The following DIAPH3 variants were observed in gnomAD, a reference collection of about 807,000 sequenced individuals.
The protein encoded by DIAPH3 is protein diaphanous homolog 3.
Under a neutral mutation model 144.3 loss-of-function variants are expected in DIAPH3, and 117 were observed. The ratio of observed to expected loss-of-function variants is 0.81; its 90% CI spans 0.70 to 0.95. The LOEUF (loss-of-function observed/expected upper bound fraction) is 0.95, where lower values mean the gene tolerates loss of function less well. Among genes scored for constraint, DIAPH3 ranks in the 40% least tolerant of loss-of-function variants. The pLI is 0.00. For synonymous variants in DIAPH3, 519 were observed against 488.9 expected (o/e 1.06, Z -0.81); for missense variants, 1,421 against 1,412.7 (o/e 1.01, Z -0.09).
At chr13:59,916,046 T>C (rs2047201645) in intron 19 of DIAPH3, 109 bp downstream of exon 19, 1 of 920,322 alleles carries the variant, frequency 1.1e-6, no homozygotes, top group Non-Finnish European at 1.8e-6. Context: ...GCAGCAATGA[T>C]TTTCCAGTTG....
At chr13:59,867,598 C>A (rs565800473) in intron 21 of DIAPH3, among the ~76,000 whole-genome samples, 2 of 152,086 alleles carry the variant, frequency 1.3e-5, no homozygotes, top group Admixed American at 1.3e-4. Flanking sequence ...CATATCCCCA[C>A]ACACTTTCTC....
At chr13:59,739,724 A>C (rs1194214592) in intron 27 of DIAPH3, among the ~76,000 whole-genome samples, 2 of 152,142 alleles carry the variant, frequency 1.3e-5, no homozygotes, top group East Asian at 3.8e-4. Context: ...CCCAATGTAC[A>C]TCCTCTTTAT....
intron 24 of DIAPH3, among the ~76,000 whole-genome samples, chr13:59,811,387 A>C (rs1398479390): frequency 1.3e-5 from 2 of 152,188 alleles, no homozygotes; most frequent in Non-Finnish European, 2.9e-5. Context: ...GCTACTTTTT[A>C]TTACAATCAT....
chr13:59,980,700 G>C, intron 14 of DIAPH3, 95 bp downstream of exon 14: 2 of 1,132,862 alleles, frequency 1.8e-6, no homozygotes, highest in South Asian at 2.5e-5. Context: ...AGCAGATAAA[G>C]AAGAAAGAAC....
chr13:59,871,701 T>G (rs2044290650), intron 21 of DIAPH3, among the ~76,000 whole-genome samples: 1 of 152,244 alleles, frequency 6.6e-6, no homozygotes, highest in Non-Finnish European at 1.5e-5. Flanking sequence ...CCTTACATGT[T>G]TGATAGAATT....
intron 21 of DIAPH3, among the ~76,000 whole-genome samples, chr13:59,875,031 C>T (rs987909019): frequency 1.3e-5 from 2 of 152,092 alleles, no homozygotes; most frequent in African/African-American, 4.8e-5. Flanking sequence ...TGGGTCAATT[C>T]ACTCTTTACC....
intron 3 of DIAPH3, among the ~76,000 whole-genome samples, chr13:60,094,695 T>G (rs1380830773): frequency 6.6e-6 from 1 of 152,200 alleles, no homozygotes. Context: ...TTCTTACAGA[T>G]TTTATAAGGG....
chr13:59,948,273 T>A (rs1240054087), intron 17 of DIAPH3, among the ~76,000 whole-genome samples: 1 of 152,220 alleles, frequency 6.6e-6, no homozygotes, highest in African/African-American at 2.4e-5. Flanking sequence ...CCCAATTCCT[T>A]GGCTGTACAA....
At chr13:59,729,463 T>C (rs561915057) in intron 27 of DIAPH3, among the ~76,000 whole-genome samples, 2 of 151,926 alleles carry the variant, frequency 1.3e-5, no homozygotes, top group East Asian at 1.9e-4. Context: ...GGCAGTTGTG[T>C]GTGGGGTGAG....
intron 20 of DIAPH3, among the ~76,000 whole-genome samples, chr13:59,894,581 C>A (rs1422368229): frequency 9.8e-6 from 1 of 102,236 alleles, no homozygotes; most frequent in Non-Finnish European, 1.8e-5. Context: ...TGCCCCCCCA[C>A]CCCTCAAAAG....
intron 25 of DIAPH3, among the ~76,000 whole-genome samples, chr13:59,804,911 C>T (rs1383757117): frequency 6.6e-6 from 1 of 152,004 alleles, no homozygotes; most frequent in African/African-American, 2.4e-5. Context: ...AGAGACATTC[C>T]GAAGTAGAAT....
At chr13:59,871,890 T>C (rs2044302278) in intron 21 of DIAPH3, among the ~76,000 whole-genome samples, 2 of 152,222 alleles carry the variant, frequency 1.3e-5, no homozygotes, top group African/African-American at 2.4e-5. Flanking sequence ...GTGTTAATAA[T>C]ATTCTTCCGT....
intron 4 of DIAPH3, among the ~76,000 whole-genome samples, chr13:60,063,081 T>G (rs1416318191): frequency 2.0e-5 from 3 of 152,230 alleles, no homozygotes; most frequent in Non-Finnish European, 2.9e-5. Context: ...CTTTCAAACT[T>G]CTTTCAAAAT....
At chr13:59,940,402 T>C (rs553971076) in intron 17 of DIAPH3, among the ~76,000 whole-genome samples, 2 of 152,134 alleles carry the variant, frequency 1.3e-5, no homozygotes, top group African/African-American at 2.4e-5. Flanking sequence ...AAAGTAAAAG[T>C]TTTTGTTCAA....
chr13:60,133,686 A>G (rs1297723097), intron 1 of DIAPH3, among the ~76,000 whole-genome samples: 2 of 152,186 alleles, frequency 1.3e-5, no homozygotes. Context: ...CCTGCAAAAT[A>G]CAATTCAAAA....
chr13:59,923,659 T>C lies in DIAPH3; in HGVS notation c.2170+1116A>G, dbSNP rs149172335. 9.6e-4 allele frequency among the ~76,000 whole-genome samples: 146 copies of C among 152,238 alleles called. No homozygotes were observed. In the East Asian group the frequency reaches 0.021, roughly 22 times the overall value. On this transcript the variant is annotated intron_variant, in intron 18 of 27. Coordinates refer to ENST00000400324, the MANE Select transcript of DIAPH3 (RefSeq NM_001042517.2). ...AGTGACATTAACTCCACTCCCATCT[T>C]CACTGGTCCAAGCATGTCACTTGGT...
chr13:59,859,179 T>C (rs527520034), intron 22 of DIAPH3, among the ~76,000 whole-genome samples: 8 of 152,094 alleles, frequency 5.3e-5, no homozygotes, highest in Non-Finnish European at 1.0e-4. Flanking sequence ...ACCTATACTA[T>C]AAAAAGTACT....
chr13:60,098,851 C>G (rs961406324), intron 3 of DIAPH3, among the ~76,000 whole-genome samples: 1 of 151,998 alleles, frequency 6.6e-6, no homozygotes, highest in African/African-American at 2.4e-5. Context: ...CATTAAATAT[C>G]TATTATAGGT....
At chr13:60,102,490 A>G (rs917083921) in intron 3 of DIAPH3, among the ~76,000 whole-genome samples, 1 of 152,160 alleles carries the variant, frequency 6.6e-6, no homozygotes, top group Admixed American at 6.5e-5. Flanking sequence ...TGCTCATCCT[A>G]TTTTAGGACA....
Sources: allele counts gnomAD v4.1 joint callset (sites outside exome capture counted in the v4.1 genomes callset), GRCh38; gene constraint gnomAD v4.1.1; transcripts MANE v1.5; gene names NCBI Gene and HGNC (gene_info 2026-07-23, HGNC 2026-07-21).